MLLT3: variants seen among roughly 807,000 people sequenced by gnomAD.
The protein encoded by MLLT3 is MLLT3 super elongation complex subunit.
MLLT3 carries 4 observed loss-of-function variants against 53.2 expected under a neutral mutation model. The observed-to-expected ratio is 0.08, with a 90% CI of 0.04 to 0.17. The LOEUF (loss-of-function observed/expected upper bound fraction) is 0.17. Ranked by LOEUF, MLLT3 falls within the 10% of genes least tolerant of loss-of-function variation. The pLI, the probability that MLLT3 is intolerant of heterozygous loss-of-function variation, is 1.00. For missense variants in MLLT3, 569 were observed against 684.0 expected, an observed-to-expected ratio of 0.83 and a Z score of 1.87; for synonymous variants, 283 against 230.6, an observed-to-expected ratio of 1.23 and a Z score of -2.06.
At chr9:20,573,250 G>C (rs923165720) in intron 2 of MLLT3, among the ~76,000 whole-genome samples, 8 of 146,918 alleles carry the variant, frequency 5.4e-5, no homozygotes, top group Non-Finnish European at 3.0e-5. Context: ...CGAAATTACT[G>C]CTCACTGCAA....
chr9:20,560,435 A>G (rs1819174152), intron 2 of MLLT3, among the ~76,000 whole-genome samples: 1 of 152,230 alleles, frequency 6.6e-6, no homozygotes, highest in African/African-American at 2.4e-5. Flanking sequence ...CATTCAACAC[A>G]TATTTACTGA....
intron 4 of MLLT3, among the ~76,000 whole-genome samples, chr9:20,416,869 T>C (rs564428613): frequency 6.6e-5 from 10 of 152,262 alleles, no homozygotes; most frequent in African/African-American, 2.2e-4. Flanking sequence ...AGCATTTTCT[T>C]TGTCCTGGGC....
intron 2 of MLLT3, among the ~76,000 whole-genome samples, chr9:20,465,655 C>G (rs1028971906): frequency 6.6e-6 from 1 of 152,122 alleles, no homozygotes; most frequent in Non-Finnish European, 1.5e-5. Flanking sequence ...TTAATTTTTG[C>G]TTTATTCCCT....
At chr9:20,533,178 C>T (rs1285633420) in intron 2 of MLLT3, 5 of 284,254 alleles carry the variant, frequency 1.8e-5, no homozygotes, top group Non-Finnish European at 2.8e-5. Context: ...CACAGGTTAA[C>T]TTGGAAGGCA....
At chr9:20,456,839 AT>A in intron 2 of MLLT3, 53 bp from the exon 3 acceptor site, 1 of 1,323,896 alleles carries the variant, frequency 7.6e-7, no homozygotes, top group Non-Finnish European at 1.0e-6. Flanking sequence ...ACAAAAAGAC[AT>A]TCTTCTTTTA....
At chr9:20,480,080 T>C (rs1205557394) in intron 2 of MLLT3, among the ~76,000 whole-genome samples, 1 of 152,242 alleles carries the variant, frequency 6.6e-6, no homozygotes, top group Non-Finnish European at 1.5e-5. Context: ...AGAGGTATTC[T>C]ATCTGCTCTC....
At chr9:20,357,550 TGAA>T (rs1821200362) in intron 8 of MLLT3, among the ~76,000 whole-genome samples, 1 of 152,216 alleles carries the variant, frequency 6.6e-6, no homozygotes, top group African/African-American at 2.4e-5. Flanking sequence ...TATCACTTTA[TGAA>T]GAATGACAAC....
intron 2 of MLLT3, among the ~76,000 whole-genome samples, chr9:20,602,399 T>G (rs753879688): frequency 6.6e-6 from 1 of 152,156 alleles, no homozygotes; most frequent in East Asian, 1.9e-4. Context: ...TAAGGTTAAA[T>G]GTGGTCAGAA....
At position 20,621,063 on chromosome 9, in the gene MLLT3, A is replaced by G. The variant is rs1049072693; in HGVS notation, c.13-229T>C. The G allele has an allele frequency of 1.7e-4, 111 of 668,686 alleles. 1 individual carries two copies. In the Middle Eastern group the frequency reaches 2.7e-3, roughly 16 times the overall value. 41.4% of individuals were successfully genotyped at this position (668,686 alleles called of 1,614,324 possible). On this transcript the variant is annotated intron_variant, in intron 1 of 10. Coordinates refer to ENST00000380338, the MANE Select transcript of MLLT3 (RefSeq NM_004529.4). The surrounding 1 kb of genome is among the most constrained non-coding windows in gnomAD (Gnocchi z 7.0). ...CAGGCGCCCCGGGCCCCGCATCTACATCGGACAGGATTGTAACGGAATGTT... is the reference window on the plus strand; with the variant it reads ...CAGGCGCCCCGGGCCCCGCATCTACGTCGGACAGGATTGTAACGGAATGTT...
At chr9:20,568,061 T>A (rs1201416271) in intron 2 of MLLT3, among the ~76,000 whole-genome samples, 1 of 152,098 alleles carries the variant, frequency 6.6e-6, no homozygotes, top group Non-Finnish European at 1.5e-5. Flanking sequence ...GTGACAGAAA[T>A]AAGTACTCAT....
intron 5 of MLLT3, among the ~76,000 whole-genome samples, chr9:20,367,204 T>C (rs1821480036): frequency 1.3e-5 from 2 of 152,224 alleles, no homozygotes; most frequent in African/African-American, 4.8e-5. Context: ...CTTATCCTTT[T>C]CTAACCAGAA....
intron 4 of MLLT3, among the ~76,000 whole-genome samples, chr9:20,430,220 C>G (rs1329494024): frequency 6.6e-6 from 1 of 152,084 alleles, no homozygotes; most frequent in African/African-American, 2.4e-5. Flanking sequence ...CATTGAGAAA[C>G]TAGGTTCATA....
At chr9:20,443,529 A>G (rs565066208) in intron 4 of MLLT3, among the ~76,000 whole-genome samples, 1 of 152,200 alleles carries the variant, frequency 6.6e-6, no homozygotes, top group Non-Finnish European at 1.5e-5. Flanking sequence ...CAAAATACAA[A>G]CAGAGTGCCA....
At chr9:20,600,798 T>C (rs1332340415) in intron 2 of MLLT3, among the ~76,000 whole-genome samples, 1 of 152,218 alleles carries the variant, frequency 6.6e-6, no homozygotes. Context: ...CAGCCATAAC[T>C]ATAGAGCCTT....
At chr9:20,571,163 T>C (rs1819522938) in intron 2 of MLLT3, among the ~76,000 whole-genome samples, 1 of 152,240 alleles carries the variant, frequency 6.6e-6, no homozygotes, top group Admixed American at 6.5e-5. Context: ...TTTATTTTCA[T>C]ATAATGCTGC....
intron 2 of MLLT3, among the ~76,000 whole-genome samples, chr9:20,544,219 T>C (rs571433164): frequency 9.2e-5 from 14 of 152,150 alleles, no homozygotes; most frequent in Non-Finnish European, 1.6e-4. Context: ...GAAGAAAACA[T>C]AGGGGAAAAC....
intron 2 of MLLT3, among the ~76,000 whole-genome samples, chr9:20,613,187 AT>A (rs1820742803): frequency 1.3e-5 from 2 of 152,352 alleles, no homozygotes; most frequent in South Asian, 4.1e-4. Context: ...GTATTCACTC[AT>A]AAAAATATTC....
intron 2 of MLLT3, among the ~76,000 whole-genome samples, chr9:20,472,183 C>A (rs1324721843): frequency 6.6e-6 from 1 of 151,828 alleles, no homozygotes; most frequent in Non-Finnish European, 1.5e-5. Flanking sequence ...ATTATTTAAT[C>A]CTATTAGGAT....
chr9:20,531,627 T>C (rs1818339224), intron 2 of MLLT3, among the ~76,000 whole-genome samples: 1 of 152,196 alleles, frequency 6.6e-6, no homozygotes, highest in Non-Finnish European at 1.5e-5. Flanking sequence ...TTCCACACTT[T>C]CACTAGCAAT....
Sources: gnomAD v4.1 joint callset for allele counts (sites outside exome capture counted in the v4.1 genomes callset) on GRCh38, gnomAD v4.1.1 for gene constraint, Gnocchi (gnomAD v3.1) non-coding constraint, MANE v1.5 for transcripts, NCBI Gene and HGNC (gene_info 2026-07-23, HGNC 2026-07-21) for gene names.